The following VPS13A variants were observed in gnomAD, a reference collection of about 807,000 sequenced individuals.
VPS13A encodes vacuolar protein sorting 13 homolog A, also known as intermembrane lipid transfer protein VPS13A.
VPS13A carries 264 observed loss-of-function variants against 390.9 expected under a neutral mutation model. The observed-to-expected ratio is 0.68, with a 90% CI of 0.61 to 0.75. The LOEUF (loss-of-function observed/expected upper bound fraction) is 0.75, where lower values mean the gene tolerates loss of function less well. Ranked by LOEUF, VPS13A falls within the 30% of genes least tolerant of loss-of-function variation. The pLI is 0.00. For synonymous variants in VPS13A, 1,231 were observed against 1,227.1 expected (o/e 1.00, Z -0.07); for missense variants, 3,409 against 3,733.9 (o/e 0.91, Z 2.27).
At chr9:77,239,766 T>G (rs1824360866) in intron 19 of VPS13A, among the ~76,000 whole-genome samples, 2 of 152,002 alleles carry the variant, frequency 1.3e-5, no homozygotes, top group Non-Finnish European at 2.9e-5. Context: ...TGAATTTGGT[T>G]TTCCTTGTTT....
chr9:77,412,173 G>T (rs1280849034), intron 71 of VPS13A, among the ~76,000 whole-genome samples: 5 of 152,116 alleles, frequency 3.3e-5, no homozygotes, highest in Non-Finnish European at 5.9e-5. Flanking sequence ...GTATAAGGAG[G>T]AGCTGGTACC....
At chr9:77,203,780 T>G (rs1825473337) in intron 3 of VPS13A, among the ~76,000 whole-genome samples, 5 of 152,212 alleles carry the variant, frequency 3.3e-5, no homozygotes, top group Admixed American at 2.6e-4. Flanking sequence ...TTGTTACAGT[T>G]TTTTCACAAT....
At chr9:77,391,889 TACAA>T (rs1281505823) in intron 68 of VPS13A, among the ~76,000 whole-genome samples, 1 of 152,230 alleles carries the variant, frequency 6.6e-6, no homozygotes, top group African/African-American at 2.4e-5. Flanking sequence ...TCATTTGTTC[TACAA>T]ACAAATTCAG....
intron 68 of VPS13A, among the ~76,000 whole-genome samples, chr9:77,399,486 A>C (rs1431041574): frequency 6.6e-6 from 1 of 151,998 alleles, no homozygotes; most frequent in South Asian, 2.1e-4. Context: ...ATAATATGGA[A>C]ATAAAAGTTA....
rs146160012 is a variant in VPS13A at position 77,302,708 on chromosome 9, G to T, written c.3813-207G>T. Among the ~76,000 whole-genome samples the T allele has an allele frequency of 5.9e-3, 891 of 152,066 alleles. 13 individuals are homozygous for T. Among genetic ancestry groups the T allele is most frequent in the African/African-American group, 0.021 (862 of 41,466 alleles). On this transcript the variant is annotated intron_variant, in intron 33 of 71. Transcript: ENST00000360280. ...TATAATATAGAACACTCAGCTCAGT[G>T]TAAGTCACCCAGGTTTCTAGTGGGA...
chr9:77,377,128 A>G (rs527587690), intron 67 of VPS13A, among the ~76,000 whole-genome samples: 12 of 151,338 alleles, frequency 7.9e-5, no homozygotes, highest in South Asian at 2.1e-4. Flanking sequence ...ATTGCTTTCA[A>G]TAATGTTTTA....
At chr9:77,311,842 C>T (rs79381218) in intron 35 of VPS13A, among the ~76,000 whole-genome samples, 1,749 of 152,084 alleles carry the variant, frequency 0.012, 22 homozygotes, top group South Asian at 0.028. Context: ...ATTTTCTGAC[C>T]ACATTGGATT....
At chr9:77,278,447 G>GA (rs1458039802) in intron 26 of VPS13A, among the ~76,000 whole-genome samples, 2 of 151,960 alleles carry the variant, frequency 1.3e-5, no homozygotes, top group Non-Finnish European at 2.9e-5. Flanking sequence ...CTTGCAAACA[G>GA]AAAAAAGAGT....
In VPS13A at chr9:77,358,412, C is replaced by T. The variant is rs1362143170; in HGVS notation, c.8009C>T (p.Pro2670Leu). The T allele has an allele frequency of 2.7e-5, 43 of 1,613,342 alleles. No individual in the cohort carries two copies. The highest frequency in any genetic ancestry group is 3.6e-5 in the Non-Finnish European group (42 of 1,179,818). ...CCCTTTGTGTTTTATCCTGTTAAAC[C>T]TCCAAAGTCGGTCACCATGGATTCA... ...VFPFVFYPVK[P>L]PKSVTMDSAP... The change falls in exon 57 of 72, where the codon CCT becomes CTT. Residue 2670 changes from proline to leucine, a missense_variant. Coordinates refer to ENST00000360280, the MANE Select transcript of VPS13A (RefSeq NM_033305.3).
At chr9:77,398,308 A>G (rs527926399) in intron 68 of VPS13A, among the ~76,000 whole-genome samples, 19 of 152,318 alleles carry the variant, frequency 1.2e-4, no homozygotes, top group African/African-American at 2.6e-4. Context: ...AGTGAAACGC[A>G]CTGGAATTAG....
chr9:77,235,520 A>G (rs1353639092), intron 17 of VPS13A, among the ~76,000 whole-genome samples: 1 of 152,030 alleles, frequency 6.6e-6, no homozygotes, highest in Non-Finnish European at 1.5e-5. Flanking sequence ...TTGCTGTGTG[A>G]GTCTCTGAGT....
chr9:77,339,567 T>C lies in VPS13A; in HGVS notation c.6430T>C (p.Cys2144Arg). 1 of 1,591,082 alleles carries C rather than the reference T, an allele frequency of 6.3e-7. No homozygotes were observed. Among genetic ancestry groups the C allele is most frequent in the Non-Finnish European group, 8.6e-7 (1 of 1,166,890 alleles). The change falls in exon 48 of 72, where the codon TGT (cysteine) becomes CGT (arginine). Residue 2144 changes from cysteine to arginine, a missense_variant. Cys to Arg is a radical substitution (Grantham distance 180). Coordinates refer to ENST00000360280, the MANE Select transcript of VPS13A (RefSeq NM_033305.3). ...TLSEGHSAQI[C>R]TAQLGKARLH... ...AAGTGAAGGACATTCAGCCCAGATT[T>C]GTACTGCACAGTTGGGTAAAGCCAG... is the stretch of plus-strand genomic sequence containing the variant.
intron 63 of VPS13A, 107 bp from the exon 64 acceptor site, chr9:77,370,150 A>T: frequency 8.2e-7 from 1 of 1,224,862 alleles, no homozygotes. Flanking sequence ...CTCTGGGACA[A>T]CATTATCCAT....
At chr9:77,400,689 G>A (rs773420933) in intron 68 of VPS13A, among the ~76,000 whole-genome samples, 1 of 151,738 alleles carries the variant, frequency 6.6e-6, no homozygotes, top group African/African-American at 2.4e-5. Context: ...TTAGCCGGGC[G>A]TGGTGATGGG....
chr9:77,295,818 A>G lies in VPS13A; in HGVS notation c.3784A>G (p.Ile1262Val), dbSNP rs766063874. The change falls in exon 33 of 72, where the codon ATA (isoleucine) becomes GTA (valine). Residue 1262 changes from isoleucine to valine, a missense_variant. This residue lies in a region of VPS13A where 2,717 missense variants were observed against 2,917.4 expected (regional missense o/e 0.93). Coordinates refer to ENST00000360280, the MANE Select transcript of VPS13A (RefSeq NM_033305.3). ...SPPPVIDLIT[I>V]KLSEMRLYRS... ...CCCACCTGTTATTGATTTGATAACA[A>G]TAAAGCTGAGTGAAATGCGACTATA... The G allele has an allele frequency of 5.0e-6, 8 of 1,613,996 alleles. No homozygotes were observed. Among genetic ancestry groups the G allele is most frequent in the South Asian group, 1.1e-5 (1 of 91,088 alleles).
intron 19 of VPS13A, among the ~76,000 whole-genome samples, chr9:77,245,961 GAGAA>G (rs1396233311): frequency 6.6e-6 from 1 of 152,194 alleles, no homozygotes; most frequent in Non-Finnish European, 1.5e-5. Context: ...TACATGGCAA[GAGAA>G]AGGAAGGAGG....
intron 32 of VPS13A, among the ~76,000 whole-genome samples, chr9:77,294,210 G>C (rs76350087): frequency 6.6e-6 from 1 of 152,058 alleles, no homozygotes; most frequent in Non-Finnish European, 1.5e-5. Context: ...CATTATGTCT[G>C]GCCCAAGAAA....
intron 59 of VPS13A, among the ~76,000 whole-genome samples, chr9:77,363,038 C>T (rs1832227474): frequency 6.6e-6 from 1 of 152,012 alleles, no homozygotes; most frequent in Admixed American, 6.6e-5. Context: ...TACATAAGAT[C>T]GTGTCATCTG....
chr9:77,380,986 G>A (rs1833400867), intron 67 of VPS13A, among the ~76,000 whole-genome samples: 1 of 152,160 alleles, frequency 6.6e-6, no homozygotes, highest in Non-Finnish European at 1.5e-5. Context: ...ACCGGTACTG[G>A]TTCAAGTCCC....
Sources: gnomAD v4.1 joint callset for allele counts (sites outside exome capture counted in the v4.1 genomes callset) on GRCh38, gnomAD v4.1.1 for gene constraint, gnomAD v4.1.1 regional missense constraint, MANE v1.5 for transcripts, NCBI Gene and HGNC (gene_info 2026-07-23, HGNC 2026-07-21) for gene names.